The following ANKRD30B variants were observed in gnomAD, a reference collection of about 807,000 sequenced individuals.
The protein encoded by ANKRD30B is ankyrin repeat domain-containing protein 30B.
ANKRD30B carries 144 observed loss-of-function variants against 202.2 expected under a neutral mutation model. That is an observed-to-expected ratio of 0.71 (90% confidence interval 0.62 to 0.82). ANKRD30B has a LOEUF of 0.82. ANKRD30B is among the 40% of genes least tolerant of loss of function. The pLI is 0.00. For synonymous variants in ANKRD30B, 508 were observed against 561.3 expected (o/e 0.91, Z 1.34); for missense variants, 1,487 against 1,669.1 (o/e 0.89, Z 1.90).
intron 15 of ANKRD30B, among the ~76,000 whole-genome samples, chr18:14,789,609 G>A (rs1251364088): frequency 2.0e-5 from 3 of 152,124 alleles, no homozygotes; most frequent in South Asian, 4.2e-4. Flanking sequence ...TTCTCCATAT[G>A]GCTAGCCAGT....
Position 14,831,426 on chromosome 18 carries a change from G to A in ANKRD30B, c.2818G>A (p.Val940Ile). The change falls in exon 34 of 44, where the codon GTT becomes ATT. Residue 940 changes from valine to isoleucine, a missense_variant. Around this residue, in one of 6 missense-constraint regions of ANKRD30B, gnomAD observed 218 missense variants for 320.1 expected, o/e 0.68. Coordinates refer to ENST00000690538, the MANE Select transcript of ANKRD30B (RefSeq NM_001367607.2). ...PTTENSQSTKVEEDFNLTTKE... is the reference protein window; with the variant it reads ...PTTENSQSTKIEEDFNLTTKE... ...TACTGAAAATTCACAGTCTACAAAAGTTGAGGAAGACTTTAATCTTACTAC... is the reference window on the plus strand; with the variant it reads ...TACTGAAAATTCACAGTCTACAAAAATTGAGGAAGACTTTAATCTTACTAC... 6.5e-7 allele frequency: 1 copy of A among 1,533,938 alleles called. No individual in the cohort carries two copies. Among genetic ancestry groups the A allele is most frequent in the Non-Finnish European group, 8.8e-7 (1 of 1,138,800 alleles).
rs1187947295 is a variant in ANKRD30B at position 14,842,801 on chromosome 18, C to T, written c.3080-96C>T. On this transcript the variant is annotated intron_variant, in intron 37 of 43. Transcript: ENST00000690538. ...AAACCTAAAGGAATCATTCTCAAAG[C>T]TGAGAAAAAGGACTTAGATACTATC... 3.3e-6 allele frequency: 4 copies of T among 1,203,288 alleles called. No homozygotes were observed. The African/African-American group carries it at 6.2e-5, about 19-fold the overall frequency. The allele number at this position is 1,203,288 out of a possible 1,614,324, so 74.5% of individuals were successfully genotyped here. A position where few individuals can be genotyped will look rare whatever the true frequency, so the allele number is the denominator to read the frequency against.
rs556599802 is a variant in ANKRD30B, at chr18:14,854,178, CT to C, written c.*34-4del. ...GTGGCTATCATTCTGCAATGTTTTT[CT>C]TTTTTTTTTCAGATTAAACAGTAAA... On this transcript the variant is annotated splice_polypyrimidine_tract_variant and intron_variant, in intron 43 of 43. Transcript: ENST00000690538. Among the ~76,000 whole-genome samples, 3,081 of 145,938 alleles carry C rather than the reference CT, an allele frequency of 0.021. 113 individuals are homozygous for C. Among genetic ancestry groups the C allele is most frequent in the African/African-American group, 0.072 (2,873 of 39,796 alleles).
At chr18:14,898,602 C>T in the ANKRD30B span, among the ~76,000 whole-genome samples, 37 of 152,226 alleles carry the variant, frequency 2.4e-4, no homozygotes, top group Non-Finnish European at 5.1e-4. Flanking sequence ...GTTTTTTCAA[C>T]ATTATTTATT....
chr18:14,896,992 A>G, the ANKRD30B span, among the ~76,000 whole-genome samples: 3 of 151,728 alleles, frequency 2.0e-5, no homozygotes, highest in African/African-American at 7.3e-5. Context: ...CAGGAAAATA[A>G]ATAGGAATTC....
chr18:14,866,140 C>G, the ANKRD30B span, among the ~76,000 whole-genome samples: 9 of 110,650 alleles, frequency 8.1e-5, no homozygotes, highest in East Asian at 2.8e-4. Context: ...AAACCATGTG[C>G]GTAACCCCAC....
intron 6 of ANKRD30B, 87 bp from the exon 7 acceptor site, chr18:14,763,599 T>C: frequency 2.0e-6 from 3 of 1,536,180 alleles, no homozygotes; most frequent in Non-Finnish European, 2.6e-6. Context: ...AAGGAAAGCA[T>C]ACAGAATAAG....
At chr18:14,809,963 T>G (rs575719960) in intron 26 of ANKRD30B, 23 bp from the exon 27 acceptor site, 1 of 1,407,502 alleles carries the variant, frequency 7.1e-7, no homozygotes, top group African/African-American at 1.4e-5. Flanking sequence ...TATAATCAAT[T>G]ATATATGTCC....
chr18:14,774,807 G>A (rs1362714842), intron 9 of ANKRD30B, among the ~76,000 whole-genome samples: 1 of 150,464 alleles, frequency 6.6e-6, no homozygotes, highest in Non-Finnish European at 1.5e-5. Context: ...GTAAATTTTT[G>A]TTCTAGGTTA....
chr18:14,912,049 G>C, the ANKRD30B span, among the ~76,000 whole-genome samples: 3 of 152,032 alleles, frequency 2.0e-5, no homozygotes, highest in Non-Finnish European at 4.4e-5. Context: ...TCTACATATA[G>C]ATCATATTAT....
the ANKRD30B span, among the ~76,000 whole-genome samples, chr18:14,904,398 G>C: frequency 6.6e-6 from 1 of 152,166 alleles, no homozygotes; most frequent in African/African-American, 2.4e-5. Flanking sequence ...TGGGGCCTGA[G>C]CTAACCTCAG....
chr18:14,791,496 G>A lies in ANKRD30B; in HGVS notation c.1825+5G>A. The A allele has an allele frequency of 6.2e-7, 1 of 1,600,422 alleles. No individual in the cohort carries two copies. The highest frequency in any genetic ancestry group is 8.5e-7 in the Non-Finnish European group (1 of 1,173,466). On this transcript the variant is annotated splice_donor_5th_base_variant and intron_variant, in intron 16 of 43. Transcript: ENST00000690538. ...CCTTAAGTGGAAAATTAGAAGGTAA[G>A]AACCATTTTTTAATTAAAAAGTCAT...
At chr18:14,884,639 A>C in the ANKRD30B span, among the ~76,000 whole-genome samples, 2,064 of 152,146 alleles carry the variant, frequency 0.014, 47 homozygotes, top group African/African-American at 0.047. Context: ...TGGAAAATGC[A>C]ACCACATGAA....
chr18:14,888,991 A>G, the ANKRD30B span: 3 of 518,974 alleles, frequency 5.8e-6, no homozygotes, highest in Non-Finnish European at 1.0e-5. Flanking sequence ...TATTTGTTAG[A>G]ATTGAAACAT....
chr18:14,828,752 GT>G, intron 33 of ANKRD30B, among the ~76,000 whole-genome samples: 1 of 152,270 alleles, frequency 6.6e-6, no homozygotes. Flanking sequence ...CCAAGACTTT[GT>G]TCTAACATGT....
chr18:14,898,256 G>C, the ANKRD30B span, among the ~76,000 whole-genome samples: 1 of 152,102 alleles, frequency 6.6e-6, no homozygotes, highest in Non-Finnish European at 1.5e-5. Flanking sequence ...GGTATGGTGT[G>C]AGACGATACT....
chr18:14,808,628 A>G, intron 25 of ANKRD30B, 44 bp from the exon 26 acceptor site: 1 of 1,563,774 alleles, frequency 6.4e-7, no homozygotes, highest in Non-Finnish European at 8.7e-7. Flanking sequence ...ATATTTTTGA[A>G]GTATACATTA....
At chr18:14,770,337 G>A (rs1170512725) in intron 8 of ANKRD30B, among the ~76,000 whole-genome samples, 2 of 152,108 alleles carry the variant, frequency 1.3e-5, no homozygotes, top group Non-Finnish European at 2.9e-5. Context: ...TGGAAAAATG[G>A]TTGTTCAGAT....
chr18:14,830,514 TG>T (rs1262418340), intron 33 of ANKRD30B, among the ~76,000 whole-genome samples: 1 of 152,172 alleles, frequency 6.6e-6, no homozygotes, highest in Non-Finnish European at 1.5e-5. Flanking sequence ...GGCACTCTCT[TG>T]TAGCGTTTTA....
Sources: gnomAD v4.1 joint callset for allele counts (sites outside exome capture counted in the v4.1 genomes callset) on GRCh38, gnomAD v4.1.1 for gene constraint, gnomAD v4.1.1 regional missense constraint, MANE v1.5 for transcripts, NCBI Gene and HGNC (gene_info 2026-07-23, HGNC 2026-07-21) for gene names.